The following NDST3 variants were observed in gnomAD, a reference collection of about 807,000 sequenced individuals.
NDST3 encodes the protein N-deacetylase and N-sulfotransferase 3.
Under a neutral mutation model 96.1 loss-of-function variants are expected in NDST3, and 58 were observed. The ratio of observed to expected loss-of-function variants is 0.60; its 90% CI spans 0.49 to 0.75. NDST3 has a LOEUF of 0.75. NDST3 is among the 30% of genes least tolerant of loss of function. The probability of loss-of-function intolerance (pLI) is 0.00; values close to 1 mark genes in which losing one functional copy is unlikely to be tolerated. For missense variants in NDST3, 788 were observed against 1,034.2 expected (o/e 0.76, Z 3.27); for synonymous variants, 333 against 359.7 (o/e 0.93, Z 0.84).
At position 118,066,949 on chromosome 4, in the gene NDST3, TTA is replaced by T. The variant is rs755065782; in HGVS notation, c.981+12073_981+12074del. 1.5e-4 allele frequency among the ~76,000 whole-genome samples: 19 copies of T among 126,528 alleles called. 4 individuals are homozygous for T. Among genetic ancestry groups the T allele is most frequent in the Middle Eastern group, 4.2e-3 (1 of 238 alleles). 83.0% of individuals were successfully genotyped at this position (126,528 alleles called of 152,430 possible). ...TACATTATATATAACATGTTATATA[TTA>T]TATATATATATATAGTGCTAGAACA... On this transcript the variant is annotated intron_variant, in intron 2 of 13. Transcript: ENST00000296499.
intron 6 of NDST3, among the ~76,000 whole-genome samples, chr4:118,174,160 G>A (rs556050070): frequency 1.3e-5 from 2 of 152,168 alleles, no homozygotes; most frequent in Non-Finnish European, 2.9e-5. Flanking sequence ...ATGGGAATGC[G>A]TCAGAAGCAC....
intron 2 of NDST3, among the ~76,000 whole-genome samples, chr4:118,058,945 C>T (rs10006223): frequency 0.01 from 1,535 of 152,144 alleles, 17 homozygotes; most frequent in African/African-American, 0.035. Context: ...TAACATTTAT[C>T]TCCCAAGACA....
Position 118,054,465 on chromosome 4 carries a change from T to C in NDST3, c.555T>C (p.Tyr185=). ...TAAAAGGTTTCCCTTTTTCCATATA[T>C]GGAAATCTTGCAGTAAAAGATTGTT... ...FQLKGFPFSI[Y]GNLAVKDCCI... The change falls in exon 2 of 14, where the codon TAT becomes TAC. Residue 185 remains tyrosine (Y), a synonymous_variant. Transcript: ENST00000296499. 2 of 1,613,078 alleles carry C rather than the reference T, an allele frequency of 1.2e-6. No homozygotes were observed. Among genetic ancestry groups the C allele is most frequent in the Admixed American group, 1.7e-5 (1 of 59,842 alleles).
At chr4:118,184,602 TACACACACACACAC>T (rs562099266) in intron 6 of NDST3, among the ~76,000 whole-genome samples, 6 of 138,490 alleles carry the variant, frequency 4.3e-5, no homozygotes, top group African/African-American at 8.0e-5. Context: ...TCTCTCTCTC[TACACACACACACAC>T]ACACACACAC....
chr4:118,190,279 A>T (rs1194179710), intron 6 of NDST3, among the ~76,000 whole-genome samples: 1 of 152,154 alleles, frequency 6.6e-6, no homozygotes, highest in Non-Finnish European at 1.5e-5. Flanking sequence ...GGTTCAAGTT[A>T]TTGTTTTTTA....
In NDST3 at chr4:118,258,322, T is replaced by C. The variant is rs1386742598; in HGVS notation, c.*2610T>C. Reference sequence around the variant, plus strand: ...GAGGACATGCATACTTTCCACATTATATACTCCAACTGGTTAATATGCTAA... The same window carrying C: ...GAGGACATGCATACTTTCCACATTACATACTCCAACTGGTTAATATGCTAA... On this transcript the variant is annotated 3_prime_UTR_variant, in exon 14 of 14. Transcript: ENST00000296499. 6.6e-6 allele frequency: 1 copy of C among 152,256 alleles called. No individual in the cohort carries two copies. Among genetic ancestry groups the C allele is most frequent in the Non-Finnish European group, 1.5e-5 (1 of 68,038 alleles). The allele number at this position is 152,256 out of a possible 1,614,324, so 9.4% of individuals were successfully genotyped here.
At chr4:118,249,774 T>A (rs4327555) in intron 12 of NDST3, among the ~76,000 whole-genome samples, 44,464 of 149,042 alleles carry the variant, frequency 0.3, 6,888 homozygotes, top group East Asian at 0.52. Flanking sequence ...TAGATCACAC[T>A]ATCATTTTAA....
At chr4:118,041,302 T>C (rs1724451401) in intron 1 of NDST3, among the ~76,000 whole-genome samples, 2 of 152,114 alleles carry the variant, frequency 1.3e-5, no homozygotes, top group Non-Finnish European at 2.9e-5. Context: ...CTCTAAAGGG[T>C]CCAACACAAT....
intron 6 of NDST3, among the ~76,000 whole-genome samples, chr4:118,212,768 T>G (rs1446968175): frequency 6.6e-6 from 1 of 152,152 alleles, no homozygotes; most frequent in African/African-American, 2.4e-5. Flanking sequence ...CTCCAAAGTA[T>G]AAGTATACTC....
At chr4:118,231,719 G>A (rs1191655534) in intron 8 of NDST3, among the ~76,000 whole-genome samples, 1 of 152,036 alleles carries the variant, frequency 6.6e-6, no homozygotes, top group Non-Finnish European at 1.5e-5. Flanking sequence ...TCTCTCTTAG[G>A]AGTAGCCAAT....
intron 4 of NDST3, among the ~76,000 whole-genome samples, chr4:118,119,447 A>G (rs1731371830): frequency 6.6e-6 from 1 of 152,196 alleles, no homozygotes; most frequent in African/African-American, 2.4e-5. Context: ...TTTTATTGAC[A>G]TTGAACACAA....
intron 2 of NDST3, among the ~76,000 whole-genome samples, chr4:118,095,614 A>G (rs1729238921): frequency 6.6e-6 from 1 of 151,708 alleles, no homozygotes; most frequent in Non-Finnish European, 1.5e-5. Flanking sequence ...AACTATTTTA[A>G]AGTAAACAAT....
chr4:118,221,419 T>G (rs1739533884), intron 6 of NDST3, among the ~76,000 whole-genome samples: 1 of 152,012 alleles, frequency 6.6e-6, no homozygotes, highest in African/African-American at 2.4e-5. Context: ...AACATACTTT[T>G]TTTCACATCC....
intron 6 of NDST3, among the ~76,000 whole-genome samples, chr4:118,192,340 T>C (rs982400738): frequency 5.3e-5 from 8 of 152,198 alleles, no homozygotes; most frequent in Non-Finnish European, 1.2e-4. Flanking sequence ...TGTGGGGTAT[T>C]ACTCAAGAAA....
intron 4 of NDST3, among the ~76,000 whole-genome samples, chr4:118,135,423 T>A (rs562989958): frequency 6.6e-6 from 1 of 152,282 alleles, no homozygotes; most frequent in East Asian, 1.9e-4. Flanking sequence ...AGTGGTAGGA[T>A]CATAGCATCT....
intron 6 of NDST3, among the ~76,000 whole-genome samples, chr4:118,161,718 C>T (rs1040013986): frequency 3.3e-5 from 5 of 152,110 alleles, no homozygotes; most frequent in Non-Finnish European, 5.9e-5. Context: ...TTTTTAAGCC[C>T]GTCGGAAAAG....
intron 6 of NDST3, among the ~76,000 whole-genome samples, chr4:118,209,913 T>C (rs1364259436): frequency 6.6e-6 from 1 of 152,148 alleles, no homozygotes; most frequent in Non-Finnish European, 1.5e-5. Context: ...CCTTAGAAAT[T>C]AAGGTGACAT....
chr4:118,051,317 TA>T (rs1725065206), intron 1 of NDST3, among the ~76,000 whole-genome samples: 1 of 152,128 alleles, frequency 6.6e-6, no homozygotes, highest in African/African-American at 2.4e-5. Context: ...GAAGTAAATC[TA>T]AGAAATACTG....
chr4:118,108,274 A>C (rs1730364743), intron 3 of NDST3, among the ~76,000 whole-genome samples: 1 of 152,264 alleles, frequency 6.6e-6, no homozygotes, highest in South Asian at 2.1e-4. Flanking sequence ...TTGAGAATCA[A>C]ACAAGAGAGA....
Sources: allele counts gnomAD v4.1 joint callset (sites outside exome capture counted in the v4.1 genomes callset), GRCh38; gene constraint gnomAD v4.1.1; transcripts MANE v1.5; gene names NCBI Gene and HGNC (gene_info 2026-07-23, HGNC 2026-07-21).